KIFAP3: variants seen among roughly 807,000 people sequenced by gnomAD.
The protein encoded by KIFAP3 is kinesin associated protein 3.
KIFAP3 carries 68 observed loss-of-function variants against 106.5 expected under a neutral mutation model. The observed-to-expected ratio is 0.64, with a 90% confidence interval of 0.53 to 0.78. KIFAP3 has a LOEUF of 0.78. Ranked by LOEUF, KIFAP3 falls within the 30% of genes least tolerant of loss-of-function variation. The pLI is 0.00. For synonymous variants in KIFAP3, 320 were observed against 311.5 expected, an observed-to-expected ratio of 1.03 and a Z score of -0.29; for missense variants, 780 against 941.8, an observed-to-expected ratio of 0.83 and a Z score of 2.25.
At chr1:170,026,281 C>T (rs543825884) in intron 8 of KIFAP3, among the ~76,000 whole-genome samples, 33 of 152,192 alleles carry the variant, frequency 2.2e-4, no homozygotes, top group East Asian at 5.8e-4. Context: ...ACCCGGTTTA[C>T]GGTAATTTGT....
At chr1:169,984,373 T>A (rs1307492094) in intron 12 of KIFAP3, among the ~76,000 whole-genome samples, 1 of 151,858 alleles carries the variant, frequency 6.6e-6, no homozygotes, top group Non-Finnish European at 1.5e-5. Flanking sequence ...TAACTCACCA[T>A]GGTTTGTAAA....
At chr1:170,007,819 T>C (rs983801287) in intron 10 of KIFAP3, among the ~76,000 whole-genome samples, 1 of 152,152 alleles carries the variant, frequency 6.6e-6, no homozygotes, top group Non-Finnish European at 1.5e-5. Context: ...AAGACAATCC[T>C]AAGCAAAAAG....
chr1:169,955,032 T>C (rs1664933591), intron 18 of KIFAP3, among the ~76,000 whole-genome samples: 1 of 152,232 alleles, frequency 6.6e-6, no homozygotes, highest in African/African-American at 2.4e-5. Flanking sequence ...GCTTCAGAGC[T>C]GTTCAATGAA....
chr1:170,067,289 A>G (rs528973746), intron 1 of KIFAP3, among the ~76,000 whole-genome samples: 5 of 152,292 alleles, frequency 3.3e-5, no homozygotes, highest in African/African-American at 1.2e-4. Flanking sequence ...ATGAAAAGAT[A>G]ATGGCTAAGT....
chr1:170,016,459 T>C lies in KIFAP3; in HGVS notation c.1183+3A>G. 6.3e-7 allele frequency: 1 copy of C among 1,592,134 alleles called. No homozygotes were observed. The highest frequency in any genetic ancestry group is 8.5e-7 in the Non-Finnish European group (1 of 1,171,554). ...CACTGTCATTAATTTCTAAAAAGCA[T>C]ACCTAGGAGTGCAGTGAGCTTGGGA... On this transcript the variant is annotated splice_donor_region_variant and intron_variant, in intron 10 of 19. Transcript: ENST00000361580.
chr1:170,062,255 G>T (rs1671207685), intron 1 of KIFAP3, among the ~76,000 whole-genome samples: 1 of 145,642 alleles, frequency 6.9e-6, no homozygotes. Flanking sequence ...TCAGGTTAAA[G>T]GGCAAAAAAA....
chr1:170,016,568 G>A lies in KIFAP3; in HGVS notation c.1077C>T (p.Asp359=), dbSNP rs775034028. 8 of 1,605,868 alleles carry A rather than the reference G, an allele frequency of 5.0e-6. No homozygotes were observed. Among genetic ancestry groups the A allele is most frequent in the Middle Eastern group, 1.7e-4 (1 of 6,048 alleles). Residue 359 remains aspartate, a synonymous_variant, in exon 10 of 20, where the codon GAC becomes GAT. Coordinates refer to ENST00000361580, the MANE Select transcript of KIFAP3 (RefSeq NM_014970.4). The part of the protein sequence containing the change: ...LVKMIPCEHE[D]LLNITLRLLL... ...AAAGTCGGAGGGTGATATTCAGCAG[G>A]TCTTCATGCTCACAAGGTATCATTT... is the stretch of plus-strand genomic sequence containing the variant.
At chr1:170,082,759 G>T (rs1404461633) in intron 1 of KIFAP3, among the ~76,000 whole-genome samples, 4 of 152,066 alleles carry the variant, frequency 2.6e-5, no homozygotes, top group Admixed American at 2.6e-4. Flanking sequence ...GATCAGTTGA[G>T]GTCAGGAGTT....
intron 1 of KIFAP3, among the ~76,000 whole-genome samples, chr1:170,057,855 T>C (rs1452991495): frequency 6.6e-6 from 1 of 152,170 alleles, no homozygotes; most frequent in African/African-American, 2.4e-5. Flanking sequence ...TTTTAGCTGG[T>C]TGCAAATTTC....
At chr1:169,952,449 T>G (rs1009146625) in intron 19 of KIFAP3, among the ~76,000 whole-genome samples, 8 of 152,044 alleles carry the variant, frequency 5.3e-5, no homozygotes, top group Admixed American at 1.3e-4. Context: ...TAAATATATG[T>G]AAACAGTTTA....
At chr1:169,959,246 A>G (rs541387639) in intron 18 of KIFAP3, among the ~76,000 whole-genome samples, 2 of 152,298 alleles carry the variant, frequency 1.3e-5, no homozygotes, top group African/African-American at 4.8e-5. Context: ...AAGGAGGCTG[A>G]TATTATCTAG....
At chr1:170,015,402 C>T (rs1332296798) in intron 10 of KIFAP3, among the ~76,000 whole-genome samples, 1 of 152,018 alleles carries the variant, frequency 6.6e-6, no homozygotes, top group Non-Finnish European at 1.5e-5. Context: ...TTCCTTATTC[C>T]TCCTCAAATG....
intron 19 of KIFAP3, among the ~76,000 whole-genome samples, chr1:169,946,693 C>A (rs1482618980): frequency 6.6e-6 from 1 of 151,920 alleles, no homozygotes; most frequent in Non-Finnish European, 1.5e-5. Context: ...AAATAAGATA[C>A]ATGAAGATTT....
intron 10 of KIFAP3, among the ~76,000 whole-genome samples, chr1:170,014,536 T>C (rs180857364): frequency 1.3e-5 from 2 of 152,318 alleles, no homozygotes; most frequent in East Asian, 3.9e-4. Flanking sequence ...TGAAATCTTA[T>C]CTATAAAGTA....
At chr1:169,938,455 A>C (rs1663926784) in intron 19 of KIFAP3, among the ~76,000 whole-genome samples, 1 of 152,100 alleles carries the variant, frequency 6.6e-6, no homozygotes, top group Non-Finnish European at 1.5e-5. Context: ...TGCATTGTAC[A>C]TTTGAAAGGA....
intron 19 of KIFAP3, among the ~76,000 whole-genome samples, chr1:169,948,118 TTA>T (rs58961317): frequency 0.021 from 3,235 of 151,808 alleles, 122 homozygotes; most frequent in African/African-American, 0.071. Flanking sequence ...AGAAATAAAG[TTA>T]TAGAGTAAAA....
rs550680062 is a variant in KIFAP3, at chr1:170,016,442, T to G, written c.1183+20A>C. The stretch of plus-strand genomic sequence containing the variant: ...TTGGAAATTCCAGACAACACTGTCA[T>G]TAATTTCTAAAAAGCATACCTAGGA... On this transcript the variant is annotated intron_variant, in intron 10 of 19. Coordinates refer to ENST00000361580, the MANE Select transcript of KIFAP3 (RefSeq NM_014970.4). 5.1e-6 allele frequency: 8 copies of G among 1,577,548 alleles called. No individual in the cohort carries two copies. Among genetic ancestry groups the G allele is most frequent in the Non-Finnish European group, 6.9e-6 (8 of 1,164,806 alleles).
intron 19 of KIFAP3, among the ~76,000 whole-genome samples, chr1:169,952,516 G>A (rs972348945): frequency 6.6e-6 from 1 of 151,974 alleles, no homozygotes; most frequent in Non-Finnish European, 1.5e-5. Context: ...TATGCATTAA[G>A]TTCAAATATG....
chr1:169,927,196 T>A (rs998375829), intron 19 of KIFAP3, among the ~76,000 whole-genome samples: 1 of 152,168 alleles, frequency 6.6e-6, no homozygotes, highest in African/African-American at 2.4e-5. Flanking sequence ...AGTAGAAACA[T>A]TTATTGAGTT....
Sources: allele counts gnomAD v4.1 joint callset (sites outside exome capture counted in the v4.1 genomes callset), GRCh38; gene constraint gnomAD v4.1.1; transcripts MANE v1.5; gene names NCBI Gene and HGNC (gene_info 2026-07-23, HGNC 2026-07-21).